JAKMIP1: variants seen among roughly 807,000 people sequenced by gnomAD.
JAKMIP1 encodes the protein janus kinase and microtubule interacting protein 1.
JAKMIP1 carries 33 observed loss-of-function variants against 113.0 expected under a neutral mutation model. The observed-to-expected ratio is 0.29, with a 90% CI of 0.22 to 0.39. JAKMIP1 has a LOEUF of 0.39. Ranked by LOEUF, JAKMIP1 falls within the 10% of genes least tolerant of loss-of-function variation. The probability of loss-of-function intolerance (pLI) is 1.00; values close to 1 mark genes in which losing one functional copy is unlikely to be tolerated. For synonymous variants in JAKMIP1, 480 were observed against 459.9 expected, an observed-to-expected ratio of 1.04 and a Z score of -0.56; for missense variants, 813 against 1,080.5, an observed-to-expected ratio of 0.75 and a Z score of 3.47.
In JAKMIP1 at chr4:6,116,647, C is replaced by A. The variant is rs1560213776; in HGVS notation, c.-147-3650G>T. Among the ~76,000 whole-genome samples the A allele has an allele frequency of 6.6e-6, 1 of 152,212 alleles. No individual in the cohort carries two copies. Among genetic ancestry groups the A allele is most frequent in the Non-Finnish European group, 1.5e-5 (1 of 68,044 alleles). On this transcript the variant is annotated intron_variant, in intron 1 of 20. Transcript: ENST00000409021. This position sits in a 1 kb window ranked among gnomAD's most constrained non-coding sequence, Gnocchi z 5.1. ...TGACATCACATGTCCCCTGTCCCAG[C>A]CTCCAAGTCGTTTGTCTGTGCCTTG...
intron 1 of JAKMIP1, among the ~76,000 whole-genome samples, chr4:6,115,549 G>C (rs537208114): frequency 6.6e-6 from 1 of 152,306 alleles, no homozygotes; most frequent in Non-Finnish European, 1.5e-5. Context: ...CTGGGGATAC[G>C]GTGGAAAGGA....
intron 5 of JAKMIP1, among the ~76,000 whole-genome samples, chr4:6,082,217 GT>G (rs1338479974): frequency 6.6e-6 from 1 of 151,848 alleles, no homozygotes; most frequent in Non-Finnish European, 1.5e-5. Flanking sequence ...AAGATTGGTG[GT>G]TTGAGTTCAC....
At chr4:6,036,835 T>A (rs1372167537) in intron 18 of JAKMIP1, among the ~76,000 whole-genome samples, 1 of 152,230 alleles carries the variant, frequency 6.6e-6, no homozygotes, top group African/African-American at 2.4e-5. Context: ...AGCAGCTACT[T>A]CTCTCCCAAA....
At chr4:6,075,059 T>C (rs1719503710) in intron 8 of JAKMIP1, among the ~76,000 whole-genome samples, 1 of 152,220 alleles carries the variant, frequency 6.6e-6, no homozygotes, top group Non-Finnish European at 1.5e-5. Context: ...TTAGACTGTA[T>C]TGTTTAGTGA....
intron 3 of JAKMIP1, among the ~76,000 whole-genome samples, chr4:6,101,954 T>C (rs1713115651): frequency 6.6e-6 from 1 of 150,754 alleles, no homozygotes; most frequent in African/African-American, 2.4e-5. Context: ...GGGATAGCAC[T>C]GAATCTGTAG....
intron 5 of JAKMIP1, among the ~76,000 whole-genome samples, chr4:6,084,598 C>T (rs916965089): frequency 6.6e-6 from 1 of 152,076 alleles, no homozygotes; most frequent in African/African-American, 2.4e-5. Flanking sequence ...CTGCAATGAA[C>T]ATCCTCTCCA....
chr4:6,195,081 C>T (rs1214714172), intron 1 of JAKMIP1, among the ~76,000 whole-genome samples: 5 of 152,214 alleles, frequency 3.3e-5, no homozygotes, highest in Non-Finnish European at 7.3e-5. Context: ...CTGGGGTGAT[C>T]CCCATTTCCC....
At chr4:6,109,948 G>T (rs1714645736) in intron 2 of JAKMIP1, among the ~76,000 whole-genome samples, 1 of 151,328 alleles carries the variant, frequency 6.6e-6, no homozygotes, top group Non-Finnish European at 1.5e-5. Flanking sequence ...ATGGATGGCT[G>T]GATTGAGAAA....
At position 6,086,847 on chromosome 4, in the gene JAKMIP1, G is replaced by A. The variant is rs1475906006; in HGVS notation, c.625-1218C>T. On this transcript the variant is annotated intron_variant, in intron 3 of 20. Transcript: ENST00000409021. This position sits in a 1 kb window ranked among gnomAD's most constrained non-coding sequence, Gnocchi z 4.1. ...ACAGAGGGGAAGGCCGTGTAAGGAC[G>A]GAGGCAGAGGCTGGAGGGACACAGC... 6.6e-6 allele frequency among the ~76,000 whole-genome samples: 1 copy of A among 152,048 alleles called. No individual in the cohort carries two copies. Among genetic ancestry groups the A allele is most frequent in the East Asian group, 1.9e-4 (1 of 5,146 alleles).
At chr4:6,079,109 G>T in intron 7 of JAKMIP1, 111 bp from the exon 8 acceptor site, 1 of 1,107,938 alleles carries the variant, frequency 9.0e-7, no homozygotes. Flanking sequence ...GGCATGGCTA[G>T]TTGAAGTTCT....
chr4:6,197,454 T>C lies in JAKMIP1; in HGVS notation c.-148+2799A>G, dbSNP rs1389031970. Reference sequence around the variant, plus strand: ...TACCTTTGCTCAGAGACCACACCTCTGATCCCCACACCAACCTAGCCAAAG... The same window carrying C: ...TACCTTTGCTCAGAGACCACACCTCCGATCCCCACACCAACCTAGCCAAAG... On this transcript the variant is annotated intron_variant, in intron 1 of 20. Transcript: ENST00000409021. The surrounding 1 kb of genome is among the most constrained non-coding windows in gnomAD (Gnocchi z 6.5). Among the ~76,000 whole-genome samples, 2 of 152,212 alleles carry C rather than the reference T, an allele frequency of 1.3e-5. No individual in the cohort carries two copies. Among genetic ancestry groups the C allele is most frequent in the African/African-American group, 4.8e-5 (2 of 41,450 alleles).
At chr4:6,074,053 G>T (rs945591360) in intron 8 of JAKMIP1, among the ~76,000 whole-genome samples, 4 of 152,196 alleles carry the variant, frequency 2.6e-5, no homozygotes, top group Admixed American at 2.0e-4. Context: ...TCTCCTTTGG[G>T]GCTAACGTGA....
At chr4:6,062,233 G>A in intron 10 of JAKMIP1, 79 bp downstream of exon 10, 4 of 1,489,448 alleles carry the variant, frequency 2.7e-6, no homozygotes, top group East Asian at 2.3e-5. Flanking sequence ...CCAAGCCAGG[G>A]TATGTCACAC....
At position 6,193,928 on chromosome 4, in the gene JAKMIP1, G is replaced by A. The variant is rs1210738510; in HGVS notation, c.-148+6325C>T. Among the ~76,000 whole-genome samples the A allele has an allele frequency of 6.6e-6, 1 of 152,168 alleles. No individual in the cohort carries two copies. Among genetic ancestry groups the A allele is most frequent in the East Asian group, 1.9e-4 (1 of 5,194 alleles). ...CATCCACAGATGAATAGACCATTGTGTTGTATACGCACCATGGAATACTAC... is the reference window on the plus strand; with the variant it reads ...CATCCACAGATGAATAGACCATTGTATTGTATACGCACCATGGAATACTAC... On this transcript the variant is annotated intron_variant, in intron 1 of 20. Transcript: ENST00000409021. This position sits in a 1 kb window ranked among gnomAD's most constrained non-coding sequence, Gnocchi z 6.4.
rs1201198501 is a variant in JAKMIP1 at position 6,051,100 on chromosome 4, G to A, written c.1807-421C>T. 6.6e-6 allele frequency among the ~76,000 whole-genome samples: 1 copy of A among 152,230 alleles called. No homozygotes were observed. Among genetic ancestry groups the A allele is most frequent in the East Asian group, 1.9e-4 (1 of 5,200 alleles). On this transcript the variant is annotated intron_variant, in intron 13 of 20. Transcript: ENST00000409021. This position sits in a 1 kb window ranked among gnomAD's most constrained non-coding sequence, Gnocchi z 5.0. ...ATCCTCACACTACCCCAGGAGGCAG[G>A]CTCATTGCTTTCATTCTGTAGACAA...
rs1348903722 is a variant in JAKMIP1 at position 6,059,523 on chromosome 4, G to A, written c.1644+901C>T. Among the ~76,000 whole-genome samples, 1 of 152,092 alleles carries A rather than the reference G, an allele frequency of 6.6e-6. No homozygotes were observed. The highest frequency in any genetic ancestry group is 2.4e-5 in the African/African-American group (1 of 41,418). ...CATAGATGCCTCTCTGCAGGCAGGG[G>A]TGGGGGCCACCAGACACTCCGTCTG... On this transcript the variant is annotated intron_variant, in intron 11 of 20. Coordinates refer to ENST00000409021, the MANE Select transcript of JAKMIP1 (RefSeq NM_001099433.2). This position sits in a 1 kb window ranked among gnomAD's most constrained non-coding sequence, Gnocchi z 4.8.
chr4:6,111,190 G>T (rs1714877028), intron 2 of JAKMIP1, among the ~76,000 whole-genome samples: 1 of 152,142 alleles, frequency 6.6e-6, no homozygotes, highest in Non-Finnish European at 1.5e-5. Context: ...CACTCCATTG[G>T]CGACCTGAGT....
At chr4:6,164,985 C>G (rs977103959) in intron 1 of JAKMIP1, among the ~76,000 whole-genome samples, 1 of 152,234 alleles carries the variant, frequency 6.6e-6, no homozygotes, top group African/African-American at 2.4e-5. Flanking sequence ...CTAAACTTAG[C>G]TGATAAGGCA....
In JAKMIP1 at chr4:6,049,617, G is replaced by A. The variant is rs1206476997; in HGVS notation, c.1962+202C>T. 1.3e-5 allele frequency among the ~76,000 whole-genome samples: 2 copies of A among 151,976 alleles called. No individual in the cohort carries two copies. The highest frequency in any genetic ancestry group is 4.8e-5 in the African/African-American group (2 of 41,344). ...CCCCTCCTCACTCAACAGGCCAGGG[G>A]AATCTAACTTCGGAACCCCACTTCT... On this transcript the variant is annotated intron_variant, in intron 15 of 20. Coordinates refer to ENST00000409021, the MANE Select transcript of JAKMIP1 (RefSeq NM_001099433.2). This position sits in a 1 kb window ranked among gnomAD's most constrained non-coding sequence, Gnocchi z 7.0.
Sources: gnomAD v4.1 joint callset for allele counts (sites outside exome capture counted in the v4.1 genomes callset) on GRCh38, gnomAD v4.1.1 for gene constraint, Gnocchi (gnomAD v3.1) non-coding constraint, MANE v1.5 for transcripts, NCBI Gene and HGNC (gene_info 2026-07-23, HGNC 2026-07-21) for gene names.